FAM204A: variants seen among roughly 807,000 people sequenced by gnomAD.
FAM204A encodes the protein family with sequence similarity 204 member A, also known as protein FAM204A.
FAM204A carries 16 observed loss-of-function variants against 35.4 expected under a neutral mutation model. The observed-to-expected ratio is 0.45, with a 90% CI of 0.31 to 0.69. The LOEUF (loss-of-function observed/expected upper bound fraction) is 0.69. Among genes scored for constraint, FAM204A ranks in the 30% least tolerant of loss-of-function variants. The pLI is 0.07. For synonymous variants in FAM204A, 76 were observed against 86.9 expected, an observed-to-expected ratio of 0.88 and a Z score of 0.70; for missense variants, 240 against 265.7, an observed-to-expected ratio of 0.90 and a Z score of 0.67.
rs1254170906 is a variant in FAM204A, at chr10:118,302,269, T to C, written c.*8588A>G. On this transcript the variant is annotated 3_prime_UTR_variant, in exon 9 of 9. Transcript: ENST00000369183. ...AGAAAAGGAAATGCAGGAAGAGGGA[T>C]CCATTTCTTCCAGATTCTGTTATCT... 1 of 152,220 alleles carries C rather than the reference T, an allele frequency of 6.6e-6. No homozygotes were observed. 9.4% of individuals were successfully genotyped at this position (152,220 alleles called of 1,614,324 possible).
intron 6 of FAM204A, among the ~76,000 whole-genome samples, chr10:118,332,587 C>A (rs1253271023): frequency 6.6e-6 from 1 of 151,424 alleles, no homozygotes; most frequent in East Asian, 1.9e-4. Flanking sequence ...AGGAAGCCAG[C>A]CTTTTAACTG....
chr10:118,315,805 G>C (rs1846021908), intron 7 of FAM204A, among the ~76,000 whole-genome samples: 1 of 152,120 alleles, frequency 6.6e-6, no homozygotes, highest in African/African-American at 2.4e-5. Context: ...GTATGAAAAT[G>C]AGATTCTGGG....
intron 6 of FAM204A, among the ~76,000 whole-genome samples, chr10:118,328,752 A>T (rs1846238952): frequency 6.6e-6 from 1 of 152,024 alleles, no homozygotes; most frequent in Non-Finnish European, 1.5e-5. Flanking sequence ...CGGCCTCCCA[A>T]AGTGCTGGGA....
rs1224696191 is a variant in FAM204A at position 118,303,810 on chromosome 10, CAAAA to C, written c.*7043_*7046del. On this transcript the variant is annotated 3_prime_UTR_variant, in exon 9 of 9. Transcript: ENST00000369183. ...CTGGCGACAGAGCAAGACTCCGTCT[CAAAA>C]AGAAAAAAAGAAAAAAAACAGCTCC... 1 of 151,404 alleles carries C rather than the reference CAAAA, an allele frequency of 6.6e-6. No homozygotes were observed. The highest frequency in any genetic ancestry group is 6.6e-5 in the Admixed American group (1 of 15,146). The allele number at this position is 151,404 out of a possible 1,614,324, so 9.4% of individuals were successfully genotyped here. A position where few individuals can be genotyped will look rare whatever the true frequency, so the allele number is the denominator to read the frequency against.
chr10:118,341,907 T>A lies in FAM204A; in HGVS notation c.-189A>T, dbSNP rs1846490509. ...TTCCGGCGAAGGATGTCTAGCCTGC[T>A]GGCAGTCCCATTAACTGGAGCTGTT... On this transcript the variant is annotated 5_prime_UTR_variant, in exon 2 of 9. Coordinates refer to ENST00000369183, the MANE Select transcript of FAM204A (RefSeq NM_022063.3). 2 of 152,298 alleles carry A rather than the reference T, an allele frequency of 1.3e-5. No individual in the cohort carries two copies. The highest frequency in any genetic ancestry group is 1.3e-4 in the Admixed American group (2 of 15,292). The allele number at this position is 152,298 out of a possible 1,614,324, so 9.4% of individuals were successfully genotyped here. A position where few individuals can be genotyped will look rare whatever the true frequency, so the allele number is the denominator to read the frequency against.
At chr10:118,335,932 G>A in intron 3 of FAM204A, 1 of 539,612 alleles carries the variant, frequency 1.9e-6, no homozygotes, top group Non-Finnish European at 3.2e-6. Context: ...TACCACGCTA[G>A]GCAAACAGCT....
chr10:118,320,256 AATTT>A (rs201965844), intron 7 of FAM204A, among the ~76,000 whole-genome samples: 2,002 of 150,170 alleles, frequency 0.013, 38 homozygotes, highest in African/African-American at 0.046. Flanking sequence ...ATAAAAAATT[AATTT>A]ATTAAATAAA....
At chr10:118,312,043 C>T (rs756326071) in intron 7 of FAM204A, among the ~76,000 whole-genome samples, 39 of 152,278 alleles carry the variant, frequency 2.6e-4, no homozygotes, top group Admixed American at 1.1e-3. Flanking sequence ...CCTGTTTCTC[C>T]AGCCCTCCAG....
intron 6 of FAM204A, among the ~76,000 whole-genome samples, chr10:118,334,110 T>G (rs1846340428): frequency 6.6e-6 from 1 of 152,196 alleles, no homozygotes; most frequent in Non-Finnish European, 1.5e-5. Flanking sequence ...GTCTTCTAAG[T>G]ATTAGTATGT....
chr10:118,330,988 G>A (rs540406963), intron 6 of FAM204A, among the ~76,000 whole-genome samples: 6 of 152,252 alleles, frequency 3.9e-5, no homozygotes, highest in African/African-American at 9.6e-5. Context: ...ACCTAGCCAC[G>A]TTTTTAGAAT....
intron 8 of FAM204A, 81 bp from the exon 9 acceptor site, chr10:118,310,989 A>C (rs1034323857): frequency 7.1e-7 from 1 of 1,400,366 alleles, no homozygotes; most frequent in Non-Finnish European, 9.8e-7. Context: ...TAGAGACCAA[A>C]GCAAAACAAA....
intron 2 of FAM204A, among the ~76,000 whole-genome samples, chr10:118,340,026 T>C (rs2133297242): frequency 6.6e-6 from 1 of 152,340 alleles, no homozygotes; most frequent in Admixed American, 6.5e-5. Context: ...CTAATCTAAG[T>C]ATGAATATAG....
At chr10:118,324,277 G>A (rs1415410909) in intron 7 of FAM204A, among the ~76,000 whole-genome samples, 1 of 152,116 alleles carries the variant, frequency 6.6e-6, no homozygotes, top group Non-Finnish European at 1.5e-5. Flanking sequence ...AAAACAAACA[G>A]TAAAAATACT....
intron 7 of FAM204A, among the ~76,000 whole-genome samples, chr10:118,312,986 T>C (rs1845976860): frequency 1.3e-5 from 2 of 152,092 alleles, no homozygotes; most frequent in Non-Finnish European, 2.9e-5. Flanking sequence ...CAGTTCTTTA[T>C]TGTAGAAAAG....
intron 7 of FAM204A, among the ~76,000 whole-genome samples, chr10:118,313,885 A>G (rs1845990634): frequency 6.6e-6 from 1 of 152,152 alleles, no homozygotes; most frequent in Non-Finnish European, 1.5e-5. Context: ...ATTTCCCAAC[A>G]TGGCTGTCCT....
intron 2 of FAM204A, 145 bp from the exon 3 acceptor site, chr10:118,336,568 C>A: frequency 7.9e-6 from 5 of 629,184 alleles, no homozygotes; most frequent in Admixed American, 3.6e-5. Flanking sequence ...TCTAAAATGG[C>A]ATAGAATGAA....
chr10:118,316,738 T>C (rs901314684), intron 7 of FAM204A, among the ~76,000 whole-genome samples: 2 of 152,128 alleles, frequency 1.3e-5, no homozygotes, highest in African/African-American at 4.8e-5. Flanking sequence ...CCACATATCA[T>C]TCATATATGT....
Position 118,300,522 on chromosome 10 carries a change from G to C in FAM204A, c.*10335C>G, listed in dbSNP as rs1047587930. On this transcript the variant is annotated 3_prime_UTR_variant, in exon 9 of 9. Transcript: ENST00000369183. ...GTAGCCTAGGGCACTGATTAACATT[G>C]GCTGAACACATATTATATGCTAGGA... 6.6e-6 allele frequency: 1 copy of C among 152,080 alleles called. No individual in the cohort carries two copies. The highest frequency in any genetic ancestry group is 1.5e-5 in the Non-Finnish European group (1 of 68,036). The allele number at this position is 152,080 out of a possible 1,614,324, so 9.4% of individuals were successfully genotyped here.
At chr10:118,314,746 A>T (rs186141812) in intron 7 of FAM204A, among the ~76,000 whole-genome samples, 2 of 152,320 alleles carry the variant, frequency 1.3e-5, no homozygotes, top group East Asian at 1.9e-4. Flanking sequence ...AAATTTTTTT[A>T]AATGAATAAA....
Sources: allele counts gnomAD v4.1 joint callset (sites outside exome capture counted in the v4.1 genomes callset), GRCh38; gene constraint gnomAD v4.1.1; transcripts MANE v1.5; gene names NCBI Gene and HGNC (gene_info 2026-07-23, HGNC 2026-07-21).